RORA: variants seen among roughly 807,000 people sequenced by gnomAD.
The protein encoded by RORA is RAR related orphan receptor A, also known as nuclear receptor ROR-alpha.
RORA carries 7 observed loss-of-function variants against 69.5 expected under a neutral mutation model. The observed-to-expected ratio is 0.10, with a 90% CI of 0.06 to 0.19. The LOEUF (loss-of-function observed/expected upper bound fraction) is 0.19. Ranked by LOEUF, RORA falls within the 10% of genes least tolerant of loss-of-function variation. The pLI, the probability that RORA is intolerant of heterozygous loss-of-function variation, is 1.00. For missense variants in RORA, 457 were observed against 663.0 expected (o/e 0.69, Z 3.41); for synonymous variants, 261 against 240.8 (o/e 1.08, Z -0.78).
At chr15:60,694,159 G>A (rs759774286) in intron 1 of RORA, among the ~76,000 whole-genome samples, 1 of 152,146 alleles carries the variant, frequency 6.6e-6, no homozygotes, top group African/African-American at 2.4e-5. Flanking sequence ...GATCCATTTT[G>A]CAGTGAGGAA....
At chr15:60,662,471 G>A (rs1024799253) in intron 2 of RORA, among the ~76,000 whole-genome samples, 1 of 152,124 alleles carries the variant, frequency 6.6e-6, no homozygotes, top group African/African-American at 2.4e-5. Flanking sequence ...TTTTATGTGA[G>A]CCCAAATGGT....
chr15:60,969,907 G>T (rs1893663570), intron 1 of RORA, among the ~76,000 whole-genome samples: 1 of 152,330 alleles, frequency 6.6e-6, no homozygotes, highest in East Asian at 1.9e-4. Flanking sequence ...AGTAATTAAG[G>T]TTAAATGTGG....
chr15:60,810,488 C>T (rs569470363), intron 1 of RORA, among the ~76,000 whole-genome samples: 1 of 152,220 alleles, frequency 6.6e-6, no homozygotes, highest in South Asian at 2.1e-4. Flanking sequence ...GGAGAAACTT[C>T]AGTGTTGGGA....
chr15:60,822,712 C>T, intron 1 of RORA, among the ~76,000 whole-genome samples: 1 of 152,218 alleles, frequency 6.6e-6, no homozygotes. Flanking sequence ...CACCACCTAG[C>T]ATGCGCATTA....
rs1346464037 is a variant in RORA, at chr15:61,226,518, ACAT to A, written c.166+2532_166+2534del. 1.3e-5 allele frequency among the ~76,000 whole-genome samples: 2 copies of A among 152,174 alleles called. No homozygotes were observed. The highest frequency in any genetic ancestry group is 4.8e-5 in the African/African-American group (2 of 41,436). On this transcript the variant is annotated intron_variant, in intron 1 of 10. Coordinates refer to ENST00000335670, the MANE Select transcript of RORA (RefSeq NM_134261.3). This position sits in a 1 kb window ranked among gnomAD's most constrained non-coding sequence, Gnocchi z 4.2. Reference sequence around the variant, plus strand: ...GCTTGCATATTCTGCCAACTCCATTACATCATCTGAAAACCCAAACATTTCCCA... The same window carrying A: ...GCTTGCATATTCTGCCAACTCCATTACATCTGAAAACCCAAACATTTCCCA...
chr15:60,940,029 T>C (rs1460645492), intron 1 of RORA, among the ~76,000 whole-genome samples: 3 of 152,174 alleles, frequency 2.0e-5, no homozygotes, highest in Non-Finnish European at 4.4e-5. Context: ...AGCCTTGGCA[T>C]TGCTACTTCA....
intron 1 of RORA, among the ~76,000 whole-genome samples, chr15:60,951,191 T>C (rs1011670601): frequency 1.1e-4 from 17 of 152,150 alleles, no homozygotes; most frequent in African/African-American, 4.1e-4. Context: ...GAATGACTAG[T>C]GGATACATAA....
intron 1 of RORA, among the ~76,000 whole-genome samples, chr15:61,057,462 G>A (rs2078112115): frequency 6.6e-6 from 1 of 152,206 alleles, no homozygotes; most frequent in Non-Finnish European, 1.5e-5. Flanking sequence ...AGCGCCTTCA[G>A]CATTTCTTTA....
At chr15:61,042,036 G>T (rs372209683) in intron 1 of RORA, among the ~76,000 whole-genome samples, 1 of 152,088 alleles carries the variant, frequency 6.6e-6, no homozygotes, top group Non-Finnish European at 1.5e-5. Context: ...TCAGACCCTC[G>T]TCTCTTAACT....
intron 1 of RORA, among the ~76,000 whole-genome samples, chr15:60,735,646 T>C (rs2071487187): frequency 6.6e-6 from 1 of 151,578 alleles, no homozygotes; most frequent in South Asian, 2.1e-4. Flanking sequence ...AGTTCAAAAA[T>C]GTTTGTATTT....
chr15:61,034,788 C>CAAAAAAAAAAAAAAA (rs33933996), intron 1 of RORA, among the ~76,000 whole-genome samples: 2 of 83,008 alleles, frequency 2.4e-5, no homozygotes, highest in Non-Finnish European at 4.8e-5. Flanking sequence ...CATCACAGAC[C>CAAAAAAAAAAAAAAA]AAAAAAAAAA....
chr15:60,785,589 G>A (rs991915148), intron 1 of RORA, among the ~76,000 whole-genome samples: 2 of 152,202 alleles, frequency 1.3e-5, no homozygotes, highest in Admixed American at 6.5e-5. Context: ...CAGGTCTCTC[G>A]TCTGTCCCTC....
intron 1 of RORA, among the ~76,000 whole-genome samples, chr15:61,112,903 G>A (rs185697494): frequency 1.2e-4 from 19 of 152,352 alleles, no homozygotes; most frequent in Non-Finnish European, 2.4e-4. Context: ...TTGCCTTACT[G>A]GGCCTGAGTC....
intron 1 of RORA, among the ~76,000 whole-genome samples, chr15:60,732,559 T>C (rs989408681): frequency 1.3e-5 from 2 of 152,162 alleles, no homozygotes; most frequent in African/African-American, 4.8e-5. Flanking sequence ...TTAACCTGAT[T>C]TGGCCAGCTT....
chr15:60,696,158 G>A (rs1271729120), intron 1 of RORA, among the ~76,000 whole-genome samples: 3 of 152,110 alleles, frequency 2.0e-5, no homozygotes, highest in Non-Finnish European at 2.9e-5. Flanking sequence ...TTTTCCTCAC[G>A]GTGACATTCA....
At chr15:60,827,568 A>G (rs1481482180) in intron 1 of RORA, among the ~76,000 whole-genome samples, 1 of 152,232 alleles carries the variant, frequency 6.6e-6, no homozygotes, top group African/African-American at 2.4e-5. Flanking sequence ...CTGCATGGCC[A>G]GGCTTCCAAG....
chr15:60,619,560 A>G (rs1481299603), intron 2 of RORA, among the ~76,000 whole-genome samples: 2 of 152,236 alleles, frequency 1.3e-5, no homozygotes, highest in Non-Finnish European at 2.9e-5. Context: ...TGAGAAATTT[A>G]GTAGTAATCC....
At chr15:60,593,767 A>G (rs550497102) in intron 2 of RORA, among the ~76,000 whole-genome samples, 1 of 152,358 alleles carries the variant, frequency 6.6e-6, no homozygotes, top group East Asian at 1.9e-4. Flanking sequence ...ACAACTTAAA[A>G]TATCAGATGG....
At chr15:60,591,741 A>G (rs2068519939) in intron 2 of RORA, among the ~76,000 whole-genome samples, 1 of 152,070 alleles carries the variant, frequency 6.6e-6, no homozygotes, top group South Asian at 2.1e-4. Flanking sequence ...GCGTCTTGGC[A>G]CGCTCGAGGC....
Sources: allele counts gnomAD v4.1 joint callset (sites outside exome capture counted in the v4.1 genomes callset), GRCh38; gene constraint gnomAD v4.1.1; non-coding constraint Gnocchi (gnomAD v3.1); transcripts MANE v1.5; gene names NCBI Gene and HGNC (gene_info 2026-07-23, HGNC 2026-07-21).